The following NRP1 variants were observed in gnomAD, a reference collection of about 807,000 sequenced individuals.
The protein encoded by NRP1 is neuropilin-1.
NRP1 carries 35 observed loss-of-function variants against 106.7 expected under a neutral mutation model. That is an observed-to-expected ratio of 0.33 (90% CI 0.25 to 0.43). The LOEUF is 0.43. NRP1 is among the 20% of genes least tolerant of loss of function. The pLI is 1.00. For synonymous variants in NRP1, 437 were observed against 417.9 expected (o/e 1.05, Z -0.56); for missense variants, 1,024 against 1,170.4 (o/e 0.87, Z 1.83).
intron 8 of NRP1, among the ~76,000 whole-genome samples, chr10:33,220,918 A>G (rs951890917): frequency 4.6e-5 from 7 of 151,194 alleles, no homozygotes; most frequent in Admixed American, 2.0e-4. Flanking sequence ...AAAAAAAAAA[A>G]AAAAAGAAAA....
intron 6 of NRP1, among the ~76,000 whole-genome samples, chr10:33,245,415 T>G (rs1433486529): frequency 6.6e-6 from 1 of 152,196 alleles, no homozygotes; most frequent in Non-Finnish European, 1.5e-5. Flanking sequence ...AAAAAGATTA[T>G]GCAAATCAAA....
chr10:33,301,296 G>C (rs796368057), intron 2 of NRP1, among the ~76,000 whole-genome samples: 23 of 152,216 alleles, frequency 1.5e-4, no homozygotes, highest in African/African-American at 5.3e-4. Flanking sequence ...AAGTTAGGGA[G>C]GTAGGTGGAA....
intron 15 of NRP1, 95 bp from the exon 16 acceptor site, chr10:33,182,843 A>C: frequency 1.3e-6 from 1 of 798,508 alleles, no homozygotes; most frequent in Non-Finnish European, 2.2e-6. Context: ...GCACACACAC[A>C]CACACACACA....
chr10:33,225,285 A>G (rs1839570536), intron 7 of NRP1, among the ~76,000 whole-genome samples: 1 of 152,226 alleles, frequency 6.6e-6, no homozygotes, highest in Non-Finnish European at 1.5e-5. Flanking sequence ...ATCCACAAGG[A>G]GAAAATCAAG....
At chr10:33,317,616 A>C (rs1231658929) in intron 2 of NRP1, among the ~76,000 whole-genome samples, 1 of 152,228 alleles carries the variant, frequency 6.6e-6, no homozygotes, top group African/African-American at 2.4e-5. Flanking sequence ...TATTGGCTTG[A>C]ATACTGCTAT....
At chr10:33,270,626 C>A in intron 3 of NRP1, 49 bp downstream of exon 3, 1 of 1,508,182 alleles carries the variant, frequency 6.6e-7, no homozygotes. Context: ...CACACTCGGC[C>A]TAAATGAACT....
intron 5 of NRP1, 97 bp from the exon 6 acceptor site, chr10:33,254,291 A>T: frequency 1.8e-6 from 2 of 1,092,220 alleles, no homozygotes; most frequent in Non-Finnish European, 2.6e-6. Flanking sequence ...TCTTTCATTC[A>T]AAATTCTTTA....
chr10:33,250,253 C>T (rs1252077883), intron 6 of NRP1, among the ~76,000 whole-genome samples: 1 of 152,150 alleles, frequency 6.6e-6, no homozygotes, highest in African/African-American at 2.4e-5. Flanking sequence ...AACAACAAGC[C>T]AACCACTTCC....
intron 2 of NRP1, among the ~76,000 whole-genome samples, chr10:33,274,898 T>A (rs1475137897): frequency 6.6e-6 from 1 of 152,238 alleles, no homozygotes; most frequent in Non-Finnish European, 1.5e-5. Context: ...AATGTGTTTC[T>A]GTGGCTCTTT....
In NRP1 at chr10:33,226,326, C is replaced by T. The variant is rs558275193; in HGVS notation, c.982-37G>A. The T allele has an allele frequency of 6.8e-6, 11 of 1,606,840 alleles. No individual in the cohort carries two copies. The Admixed American group carries it at 1.9e-4, about 27-fold the overall frequency. The stretch of plus-strand genomic sequence containing the variant: ...GTACAAGCGTGGTCAGTGCACCATC[C>T]CTGCAGCACAGTAACCCAAAGCATC... On this transcript the variant is annotated intron_variant, in intron 6 of 16. Coordinates refer to ENST00000374867, the MANE Select transcript of NRP1 (RefSeq NM_003873.7).
intron 2 of NRP1, among the ~76,000 whole-genome samples, chr10:33,285,016 A>G (rs763648469): frequency 3.9e-5 from 6 of 152,248 alleles, no homozygotes; most frequent in Non-Finnish European, 7.3e-5. Context: ...AAATTTGGCA[A>G]TCTAGTTCTT....
intron 6 of NRP1, among the ~76,000 whole-genome samples, chr10:33,237,573 CTTCTT>C (rs1455779772): frequency 8.0e-6 from 1 of 125,066 alleles, no homozygotes; most frequent in East Asian, 2.4e-4. Context: ...TATTTTCCTT[CTTCTT>C]TTTTTTTTTT....
At chr10:33,327,717 C>T (rs972799541) in intron 2 of NRP1, among the ~76,000 whole-genome samples, 1 of 151,812 alleles carries the variant, frequency 6.6e-6, no homozygotes, top group African/African-American at 2.4e-5. Context: ...TCTGTGGATT[C>T]TTCTCAAAGC....
rs762153303 is a variant in NRP1 at position 33,221,758 on chromosome 10, T to C, written c.1243A>G (p.Ile415Val). The change falls in exon 8 of 17, where the codon ATA (isoleucine) becomes GTA (valine). Residue 415 changes from isoleucine (I) to valine (V), a missense_variant. Physicochemically the swap from Ile to Val is conservative, Grantham distance 29. Transcript: ENST00000374867. The part of the protein sequence containing the change: ...RIKPATWETG[I>V]SMRFEVYGCK... ...CCGTATACTTCAAATCTCATAGATA[T>C]GCCAGTTTCCCAAGTTGCAGGCTTG... 9 of 1,614,080 alleles carry C rather than the reference T, an allele frequency of 5.6e-6. No individual in the cohort carries two copies. Among genetic ancestry groups the C allele is most frequent in the South Asian group, 5.5e-5 (5 of 91,088 alleles).
At chr10:33,221,302 C>A (rs1468066111) in intron 8 of NRP1, among the ~76,000 whole-genome samples, 1 of 152,236 alleles carries the variant, frequency 6.6e-6, no homozygotes, top group Non-Finnish European at 1.5e-5. Context: ...TAGTCAGTAT[C>A]CAGGAAGCAG....
rs759969860 is a variant in NRP1, at chr10:33,213,549, C to T, written c.1451G>A (p.Trp484Ter). 1 of 1,614,060 alleles carries T rather than the reference C, an allele frequency of 6.2e-7. No individual in the cohort carries two copies. Among genetic ancestry groups the T allele is most frequent in the Non-Finnish European group, 8.5e-7 (1 of 1,180,020 alleles). ...PPAPHSYINE[W>*]LQIDLGEEKI... ...CTCCTCCCCCAGGTCTATTTGGAGC[C>T]ACTCATTGATGTAGGAATGAGGTGC... The change falls in exon 9 of 17, where the codon TGG becomes TAG. Residue 484 changes from tryptophan (W) to a stop codon, truncating the protein, a stop_gained. Transcript: ENST00000374867. LOFTEE classifies it high-confidence loss of function.
chr10:33,196,464 C>T (rs1836793274), intron 12 of NRP1, among the ~76,000 whole-genome samples: 1 of 152,176 alleles, frequency 6.6e-6, no homozygotes, highest in Non-Finnish European at 1.5e-5. Context: ...AAAGGCACGG[C>T]TTTTTTCATG....
chr10:33,193,525 C>A (rs1326133546), intron 12 of NRP1, among the ~76,000 whole-genome samples: 1 of 152,136 alleles, frequency 6.6e-6, no homozygotes, highest in East Asian at 1.9e-4. Flanking sequence ...AGGCAGTCCA[C>A]GAGGTGGCAG....
intron 6 of NRP1, among the ~76,000 whole-genome samples, chr10:33,244,597 G>T (rs747930784): frequency 6.6e-6 from 1 of 152,052 alleles, no homozygotes; most frequent in Non-Finnish European, 1.5e-5. Context: ...GAAACTGGTT[G>T]GTAATTGATA....
Sources: gnomAD v4.1 joint callset for allele counts (sites outside exome capture counted in the v4.1 genomes callset) on GRCh38, gnomAD v4.1.1 for gene constraint, MANE v1.5 for transcripts, NCBI Gene and HGNC (gene_info 2026-07-23, HGNC 2026-07-21) for gene names.